The following DLG2 variants were observed in gnomAD, a reference collection of about 807,000 sequenced individuals.
DLG2 encodes discs large MAGUK scaffold protein 2.
A neutral mutation model predicts 132.5 loss-of-function variants in DLG2; 45 were observed. That is an observed-to-expected ratio of 0.34 (90% CI 0.27 to 0.44). DLG2 has a LOEUF of 0.44. DLG2 is among the 20% of genes least tolerant of loss of function. The pLI, the probability that DLG2 is intolerant of heterozygous loss-of-function variation, is 1.00. For synonymous variants in DLG2, 424 were observed against 419.6 expected (o/e 1.01, Z -0.13); for missense variants, 1,045 against 1,196.9 (o/e 0.87, Z 1.87).
At chr11:84,811,852 A>C (rs1453298458) in intron 6 of DLG2, among the ~76,000 whole-genome samples, 1 of 152,178 alleles carries the variant, frequency 6.6e-6, no homozygotes, top group Non-Finnish European at 1.5e-5. Context: ...AGATTCTTCA[A>C]AACTGTCAAT....
At chr11:84,085,546 G>C (rs531693783) in intron 10 of DLG2, among the ~76,000 whole-genome samples, 29 of 152,248 alleles carry the variant, frequency 1.9e-4, no homozygotes, top group African/African-American at 6.7e-4. Flanking sequence ...ACAAATGTCA[G>C]ATAATTAGAA....
At chr11:84,994,859 A>G (rs1041047142) in intron 6 of DLG2, among the ~76,000 whole-genome samples, 6 of 152,212 alleles carry the variant, frequency 3.9e-5, no homozygotes, top group African/African-American at 1.4e-4. Flanking sequence ...TTCAGAACAT[A>G]GGGCCTCTCT....
chr11:84,583,918 T>C (rs1379625035), intron 6 of DLG2, among the ~76,000 whole-genome samples: 1 of 152,180 alleles, frequency 6.6e-6, no homozygotes, highest in Non-Finnish European at 1.5e-5. Context: ...ATTATTCTAT[T>C]ATGTGAATAT....
At chr11:85,285,414 T>C (rs757503428) in intron 3 of DLG2, 49 bp from the exon 4 acceptor site, 11 of 1,574,804 alleles carry the variant, frequency 7.0e-6, no homozygotes, top group Non-Finnish European at 8.7e-6. Flanking sequence ...CATGACTTCA[T>C]AAATAGCTTC....
At chr11:84,088,386 A>C (rs984978499) in intron 10 of DLG2, among the ~76,000 whole-genome samples, 7 of 152,028 alleles carry the variant, frequency 4.6e-5, no homozygotes, top group Admixed American at 2.6e-4. Context: ...AAAAAAAAAA[A>C]AACAAAAATC....
Position 85,170,827 on chromosome 11 carries a change from T to G in DLG2, c.187-16176A>C, listed in dbSNP as rs1251504736. On this transcript the variant is annotated intron_variant, in intron 4 of 27. Coordinates refer to ENST00000376104, the MANE Select transcript of DLG2 (RefSeq NM_001142699.3). Reference sequence around the variant, plus strand: ...GAGACTTGCTGGGGATTTTATAGGATGATGTTTGTGCTGTGTGCTGAAGAG... The same window carrying G: ...GAGACTTGCTGGGGATTTTATAGGAGGATGTTTGTGCTGTGTGCTGAAGAG... Among the ~76,000 whole-genome samples, 6 of 152,000 alleles carry G rather than the reference T, an allele frequency of 3.9e-5. No homozygotes were observed. The East Asian group carries it at 1.2e-3, about 29-fold the overall frequency.
chr11:85,021,008 A>C (rs183770227), intron 6 of DLG2: 2 of 774,672 alleles, frequency 2.6e-6, no homozygotes, highest in Non-Finnish European at 4.8e-6. Context: ...TATTATTCAT[A>C]TCTACTGCTT....
At chr11:84,647,336 T>C (rs895708285) in intron 6 of DLG2, among the ~76,000 whole-genome samples, 10 of 152,118 alleles carry the variant, frequency 6.6e-5, no homozygotes, top group African/African-American at 2.4e-4. Flanking sequence ...GTTACAATCA[T>C]CACCAAATTA....
At chr11:83,520,540 G>A (rs946379768) in intron 21 of DLG2, among the ~76,000 whole-genome samples, 6 of 152,108 alleles carry the variant, frequency 3.9e-5, no homozygotes, top group African/African-American at 1.4e-4. Flanking sequence ...TTACTGCGTT[G>A]TCATAGATAG....
At chr11:84,734,844 T>C (rs1362038112) in intron 6 of DLG2, among the ~76,000 whole-genome samples, 1 of 152,232 alleles carries the variant, frequency 6.6e-6, no homozygotes, top group Non-Finnish European at 1.5e-5. Context: ...GTTTTTAGCA[T>C]GAAGGGCTGT....
intron 19 of DLG2, among the ~76,000 whole-genome samples, chr11:83,609,274 C>G (rs1246834818): frequency 1.3e-5 from 2 of 152,208 alleles, no homozygotes; most frequent in Non-Finnish European, 2.9e-5. Flanking sequence ...TACCAACATA[C>G]AGGCTTCAGA....
At chr11:83,687,640 T>G (rs1566536483) in intron 18 of DLG2, among the ~76,000 whole-genome samples, 1 of 152,228 alleles carries the variant, frequency 6.6e-6, no homozygotes, top group East Asian at 1.9e-4. Context: ...TAAATTTTTA[T>G]TTTGTTTTTT....
chr11:84,134,245 CTT>C (rs1028513637), intron 9 of DLG2, among the ~76,000 whole-genome samples: 35 of 150,684 alleles, frequency 2.3e-4, no homozygotes, highest in African/African-American at 8.2e-4. Context: ...CAATCAGAAA[CTT>C]AGGTAGAAAC....
Position 84,710,634 on chromosome 11 carries a change from G to C in DLG2, c.358-175903C>G, listed in dbSNP as rs150985263. Among the ~76,000 whole-genome samples, 11 of 151,828 alleles carry C rather than the reference G, an allele frequency of 7.2e-5. No homozygotes were observed. The East Asian group carries it at 2.1e-3, about 30-fold the overall frequency. On this transcript the variant is annotated intron_variant, in intron 6 of 27. Transcript: ENST00000376104. ...GTTTAATCCATAATGTGGATATTAA[G>C]GCTGTTACAGTGCACTGGACCAGCA...
intron 7 of DLG2, among the ~76,000 whole-genome samples, chr11:84,442,374 T>C (rs542773578): frequency 3.3e-5 from 5 of 152,088 alleles, no homozygotes; most frequent in Non-Finnish European, 7.3e-5. Flanking sequence ...GATGAATTCA[T>C]GCAGGGACAT....
intron 11 of DLG2, among the ~76,000 whole-genome samples, chr11:84,001,540 C>G (rs1449626925): frequency 6.6e-6 from 1 of 152,038 alleles, no homozygotes; most frequent in Non-Finnish European, 1.5e-5. Context: ...TTAGACAGAT[C>G]ATTTACACAG....
intron 6 of DLG2, among the ~76,000 whole-genome samples, chr11:84,634,407 G>A (rs1448088058): frequency 6.6e-6 from 1 of 152,346 alleles, no homozygotes; most frequent in East Asian, 1.9e-4. Flanking sequence ...ATAGTGGACT[G>A]TAACTTAACT....
At chr11:84,831,128 T>C (rs936373636) in intron 6 of DLG2, among the ~76,000 whole-genome samples, 1 of 151,468 alleles carries the variant, frequency 6.6e-6, no homozygotes, top group Admixed American at 6.6e-5. Flanking sequence ...GAATTCTGAA[T>C]ATCAAAGTAA....
intron 6 of DLG2, chr11:84,936,819 T>C (rs558614409): frequency 6.6e-5 from 10 of 152,278 alleles, no homozygotes; most frequent in African/African-American, 2.4e-4. Flanking sequence ...AAGAATAAGA[T>C]ATAAACCTTA....
Sources: allele counts gnomAD v4.1 joint callset (sites outside exome capture counted in the v4.1 genomes callset), GRCh38; gene constraint gnomAD v4.1.1; transcripts MANE v1.5; gene names NCBI Gene and HGNC (gene_info 2026-07-23, HGNC 2026-07-21).